BCL2L15: variants seen among roughly 807,000 people sequenced by gnomAD.
The protein encoded by BCL2L15 is BCL2 like 15, also known as bcl-2-like protein 15.
A neutral mutation model predicts 18.3 loss-of-function variants in BCL2L15; 15 were observed. The ratio of observed to expected loss-of-function variants is 0.82; its 90% CI spans 0.55 to 1.26. The LOEUF (loss-of-function observed/expected upper bound fraction) is 1.26. Ranked by LOEUF, BCL2L15 falls within the 50% of genes most tolerant of loss-of-function variation. The pLI is 0.00. For synonymous variants in BCL2L15, 58 were observed against 68.5 expected, an observed-to-expected ratio of 0.85 and a Z score of 0.76; for missense variants, 180 against 201.7, an observed-to-expected ratio of 0.89 and a Z score of 0.65.
chr1:113,885,442 G>C (rs1396164628), intron 2 of BCL2L15, among the ~76,000 whole-genome samples: 2 of 152,000 alleles, frequency 1.3e-5, no homozygotes, highest in Non-Finnish European at 2.9e-5. Context: ...CTTTTTTTGA[G>C]ACAGAGTCTT....
intron 2 of BCL2L15, among the ~76,000 whole-genome samples, chr1:113,882,385 C>T (rs181274919): frequency 3.9e-5 from 6 of 152,352 alleles, no homozygotes; most frequent in African/African-American, 1.4e-4. Context: ...TGGCTCATGC[C>T]TGTAATCCCA....
At chr1:113,886,400 G>T in intron 2 of BCL2L15, 137 bp downstream of exon 2, 2 of 1,037,348 alleles carry the variant, frequency 1.9e-6, no homozygotes, top group Non-Finnish European at 2.7e-6. Context: ...GAGAATTCTT[G>T]CTATACTTCC....
intron 2 of BCL2L15, among the ~76,000 whole-genome samples, chr1:113,884,931 C>A (rs778823722): frequency 4.6e-5 from 7 of 151,812 alleles, no homozygotes; most frequent in Non-Finnish European, 7.4e-5. Flanking sequence ...TGCCACCATG[C>A]CTGGCTAATT....
At position 113,880,583 on chromosome 1, in the gene BCL2L15, A is replaced by C. The variant is rs11102692; in HGVS notation, c.*540T>G. On this transcript the variant is annotated 3_prime_UTR_variant, in exon 4 of 4. Coordinates refer to ENST00000393316, the MANE Select transcript of BCL2L15 (RefSeq NM_001010922.3). ...GGAGCTTGCAGTGAGCTGAGATCGC[A>C]CCACTGCACTCCAGCCTGGGTGACA... The C allele has an allele frequency of 1.3e-5, 2 of 153,366 alleles. No individual in the cohort carries two copies. Among genetic ancestry groups the C allele is most frequent in the Admixed American group, 6.5e-5 (1 of 15,376 alleles). 9.5% of individuals were successfully genotyped at this position (153,366 alleles called of 1,614,324 possible). A position where few individuals can be genotyped will look rare whatever the true frequency, so the allele number is the denominator to read the frequency against.
rs114959448 is a variant in BCL2L15, at chr1:113,881,802, G to A, written c.445C>T (p.Arg149Trp). ...TGMINGNQAI[R>W]EFIQGQGGWE... Reference sequence around the variant, plus strand: ...CCTCCCTGGCCCTGGATGAACTCCCGGATGGCTTGGTTCCCATTGATCATA... The same window carrying A: ...CCTCCCTGGCCCTGGATGAACTCCCAGATGGCTTGGTTCCCATTGATCATA... The change falls in exon 3 of 4, where the codon CGG becomes TGG. Residue 149 changes from arginine to tryptophan, a missense_variant. By Grantham distance (101) the Arg-to-Trp change is moderately radical (BLOSUM62 -3). Coordinates refer to ENST00000393316, the MANE Select transcript of BCL2L15 (RefSeq NM_001010922.3). The A allele has an allele frequency of 2.6e-5, 42 of 1,614,110 alleles. No homozygotes were observed. The Middle Eastern group carries it at 5.0e-4, about 19-fold the overall frequency.
intron 2 of BCL2L15, among the ~76,000 whole-genome samples, chr1:113,885,660 G>A (rs1316059601): frequency 6.6e-6 from 1 of 152,162 alleles, no homozygotes; most frequent in African/African-American, 2.4e-5. Flanking sequence ...CACATCAAGT[G>A]ATCCGCCCGG....
rs757524505 is a variant in BCL2L15, at chr1:113,880,734, A to G, written c.*389T>C. 3.7e-5 allele frequency: 7 copies of G among 188,958 alleles called. No homozygotes were observed. The highest frequency in any genetic ancestry group is 5.8e-5 in the Admixed American group (1 of 17,208). The allele number at this position is 188,958 out of a possible 1,614,324, so 11.7% of individuals were successfully genotyped here. On this transcript the variant is annotated 3_prime_UTR_variant, in exon 4 of 4. Coordinates refer to ENST00000393316, the MANE Select transcript of BCL2L15 (RefSeq NM_001010922.3). ...AAGACAGGGCTACATCTGAAGAAATAGTTTCCATTGTTCTCCCTTTCTCTC... is the reference window on the plus strand; with the variant it reads ...AAGACAGGGCTACATCTGAAGAAATGGTTTCCATTGTTCTCCCTTTCTCTC...
Position 113,884,839 on chromosome 1 carries a change from A to T in BCL2L15, c.249+1698T>A, listed in dbSNP as rs113811373. Among the ~76,000 whole-genome samples, 360 of 151,890 alleles carry T rather than the reference A, an allele frequency of 2.4e-3. 1 individual carries two copies. Among genetic ancestry groups the T allele is most frequent in the African/African-American group, 8.2e-3 (340 of 41,376 alleles). On this transcript the variant is annotated intron_variant, in intron 2 of 3. Coordinates refer to ENST00000393316, the MANE Select transcript of BCL2L15 (RefSeq NM_001010922.3). Reference sequence around the variant, plus strand: ...GCCCAGATTGGAGTACAATGGCACCATCTCGGCTCACTGCAAACTCCCCCT... The same window carrying T: ...GCCCAGATTGGAGTACAATGGCACCTTCTCGGCTCACTGCAAACTCCCCCT...
rs751334781 is a variant in BCL2L15 at position 113,877,518 on chromosome 1, C to G, written c.*3605G>C. 1.3e-5 allele frequency among the ~76,000 whole-genome samples: 2 copies of G among 152,062 alleles called. No individual in the cohort carries two copies. Among genetic ancestry groups the G allele is most frequent in the Non-Finnish European group, 2.9e-5 (2 of 68,002 alleles). On this transcript the variant is annotated 3_prime_UTR_variant, in exon 4 of 4. Coordinates refer to ENST00000393316, the MANE Select transcript of BCL2L15 (RefSeq NM_001010922.3). ...GACTTTAAGAGAATGGCATTCAAAG[C>G]AATGCTTTTGGAAAGTTATTTCTTG... is the stretch of plus-strand genomic sequence containing the variant.
At chr1:113,882,041 A>C in intron 2 of BCL2L15, 44 bp from the exon 3 acceptor site, 1 of 1,534,176 alleles carries the variant, frequency 6.5e-7, no homozygotes, top group Non-Finnish European at 8.9e-7. Flanking sequence ...TCACTCAAAA[A>C]GTGCAGGAGG....
In BCL2L15 at chr1:113,880,509, C is replaced by T. The variant is rs577825735; in HGVS notation, c.*614G>A. ...GGCGTGATGGCGGGCTCCTGTAGTC[C>T]CAGCTACTCAGGAGGCTGAGGCAGG... On this transcript the variant is annotated 3_prime_UTR_variant, in exon 4 of 4. Transcript: ENST00000393316. 14 of 152,314 alleles carry T rather than the reference C, an allele frequency of 9.2e-5. No individual in the cohort carries two copies. Among genetic ancestry groups the T allele is most frequent in the African/African-American group, 3.1e-4 (13 of 41,462 alleles). 9.4% of individuals were successfully genotyped at this position (152,314 alleles called of 1,614,324 possible).
At chr1:113,886,460 A>G in intron 2 of BCL2L15, 77 bp downstream of exon 2, 1 of 1,395,134 alleles carries the variant, frequency 7.2e-7, no homozygotes, top group South Asian at 1.3e-5. Context: ...TAGTCACTGT[A>G]GTATGGGAGT....
Position 113,877,975 on chromosome 1 carries a change from G to C in BCL2L15, c.*3148C>G, listed in dbSNP as rs1299623206. 6.6e-6 allele frequency among the ~76,000 whole-genome samples: 1 copy of C among 152,186 alleles called. No homozygotes were observed. The highest frequency in any genetic ancestry group is 2.4e-5 in the African/African-American group (1 of 41,436). On this transcript the variant is annotated 3_prime_UTR_variant, in exon 4 of 4. Coordinates refer to ENST00000393316, the MANE Select transcript of BCL2L15 (RefSeq NM_001010922.3). ...AATAAGCATCTGTGGGTATGGAATT[G>C]AGAAGGGAAATAAATCATATTTAGG...
At position 113,878,110 on chromosome 1, in the gene BCL2L15, A is replaced by G. The variant is rs1427794250; in HGVS notation, c.*3013T>C. 1 of 152,364 alleles carries G rather than the reference A, an allele frequency of 6.6e-6. No homozygotes were observed. Among genetic ancestry groups the G allele is most frequent in the Non-Finnish European group, 1.5e-5 (1 of 68,040 alleles). The allele number at this position is 152,364 out of a possible 1,614,324, so 9.4% of individuals were successfully genotyped here. ...CAAGCTAGAACCTTATGAACTGCATAACACAGAATTCCAAATTGCTAATGG... is the reference window on the plus strand; with the variant it reads ...CAAGCTAGAACCTTATGAACTGCATGACACAGAATTCCAAATTGCTAATGG... On this transcript the variant is annotated 3_prime_UTR_variant, in exon 4 of 4. Transcript: ENST00000393316.
At position 113,877,470 on chromosome 1, in the gene BCL2L15, C is replaced by A. The variant is rs749240506; in HGVS notation, c.*3653G>T. 6.6e-6 allele frequency among the ~76,000 whole-genome samples: 1 copy of A among 152,022 alleles called. No individual in the cohort carries two copies. The highest frequency in any genetic ancestry group is 1.5e-5 in the Non-Finnish European group (1 of 68,018). ...AATCAAGATAATGAACATGTCTAAT[C>A]ACACTCAAAAGTTCCACTGAAGGAC... is the stretch of plus-strand genomic sequence containing the variant. On this transcript the variant is annotated 3_prime_UTR_variant, in exon 4 of 4. Transcript: ENST00000393316.
intron 1 of BCL2L15, among the ~76,000 whole-genome samples, chr1:113,886,944 C>T (rs550186184): frequency 6.6e-6 from 1 of 151,074 alleles, no homozygotes; most frequent in East Asian, 1.9e-4. Flanking sequence ...GTCGCCCAGA[C>T]TGGAGTGCAG....
Position 113,880,604 on chromosome 1 carries a change from T to C in BCL2L15, c.*519A>G, listed in dbSNP as rs11102693. On this transcript the variant is annotated 3_prime_UTR_variant, in exon 4 of 4. Coordinates refer to ENST00000393316, the MANE Select transcript of BCL2L15 (RefSeq NM_001010922.3). ...TCGCACCACTGCACTCCAGCCTGGG[T>C]GACAGAGTGAGACTACGTCTAAAAA... is the stretch of plus-strand genomic sequence containing the variant. The C allele has an allele frequency of 7.8e-4, 121 of 154,344 alleles. No individual in the cohort carries two copies. The highest frequency in any genetic ancestry group is 1.7e-3 in the East Asian group (9 of 5,258). 9.6% of individuals were successfully genotyped at this position (154,344 alleles called of 1,614,324 possible). A position where few individuals can be genotyped will look rare whatever the true frequency, so the allele number is the denominator to read the frequency against.
intron 2 of BCL2L15, among the ~76,000 whole-genome samples, chr1:113,885,571 G>A (rs576581231): frequency 6.6e-6 from 1 of 152,280 alleles, no homozygotes; most frequent in Non-Finnish European, 1.5e-5. Flanking sequence ...ACAGGCATGG[G>A]CCATCACACC....
At chr1:113,883,253 C>T (rs537890050) in intron 2 of BCL2L15, among the ~76,000 whole-genome samples, 3 of 152,050 alleles carry the variant, frequency 2.0e-5, no homozygotes, top group South Asian at 4.2e-4. Flanking sequence ...GAGGCCAAAG[C>T]AGGCAGATCA....
Sources: gnomAD v4.1 joint callset for allele counts (sites outside exome capture counted in the v4.1 genomes callset) on GRCh38, gnomAD v4.1.1 for gene constraint, MANE v1.5 for transcripts, NCBI Gene and HGNC (gene_info 2026-07-23, HGNC 2026-07-21) for gene names.